Variants in RGS6 observed in about 807,000 individuals in gnomAD.
RGS6 encodes the protein regulator of G protein signaling 6, also known as regulator of G-protein signaling 6.
RGS6 carries 30 observed loss-of-function variants against 78.5 expected under a neutral mutation model. The ratio of observed to expected loss-of-function variants is 0.38; its 90% CI spans 0.29 to 0.52. The LOEUF is 0.52. Ranked by LOEUF, RGS6 falls within the 20% of genes least tolerant of loss-of-function variation. The pLI is 0.85. For missense variants in RGS6, 495 were observed against 609.7 expected, an observed-to-expected ratio of 0.81 and a Z score of 1.98; for synonymous variants, 206 against 206.0, an observed-to-expected ratio of 1.00 and a Z score of 0.00.
chr14:72,272,942 C>A (rs905674044), intron 2 of RGS6, among the ~76,000 whole-genome samples: 2 of 152,100 alleles, frequency 1.3e-5, no homozygotes, highest in East Asian at 3.8e-4. Context: ...TGGCAAAACC[C>A]CATCTCTACT....
intron 2 of RGS6, among the ~76,000 whole-genome samples, chr14:72,237,986 A>G (rs569178878): frequency 2.6e-5 from 4 of 152,234 alleles, no homozygotes; most frequent in Admixed American, 6.5e-5. Flanking sequence ...TCTGGTGTCC[A>G]GGAAGAATCA....
At chr14:72,557,133 C>T (rs2097590008) in intron 17 of RGS6, among the ~76,000 whole-genome samples, 1 of 152,228 alleles carries the variant, frequency 6.6e-6, no homozygotes. Flanking sequence ...GTGGAGGAAC[C>T]ATAACGGGTT....
intron 2 of RGS6, among the ~76,000 whole-genome samples, chr14:72,108,988 C>T (rs967410860): frequency 2.0e-5 from 3 of 152,108 alleles, no homozygotes; most frequent in Admixed American, 6.6e-5. Context: ...ATTTTCCTCA[C>T]GTTTTAGAAA....
chr14:72,608,514 A>T, the RGS6 span, among the ~76,000 whole-genome samples: 2 of 152,152 alleles, frequency 1.3e-5, no homozygotes, highest in Non-Finnish European at 2.9e-5. Context: ...GTCCTGCACC[A>T]GAGGTCTCTC....
intron 2 of RGS6, among the ~76,000 whole-genome samples, chr14:72,065,524 T>C (rs2094101274): frequency 6.6e-6 from 1 of 152,222 alleles, no homozygotes; most frequent in Non-Finnish European, 1.5e-5. Flanking sequence ...AATTTACCCA[T>C]GCTTGACTAC....
At chr14:72,213,532 C>T (rs894397852) in intron 2 of RGS6, among the ~76,000 whole-genome samples, 1 of 152,158 alleles carries the variant, frequency 6.6e-6, no homozygotes, top group African/African-American at 2.4e-5. Flanking sequence ...AGCTTGTCTC[C>T]TCCTCCACAG....
chr14:72,355,281 C>T (rs952894512), intron 3 of RGS6, among the ~76,000 whole-genome samples: 2 of 152,014 alleles, frequency 1.3e-5, no homozygotes, highest in African/African-American at 2.4e-5. Context: ...GAAACCCCCA[C>T]CTCCTGGGTT....
At chr14:72,156,033 G>T (rs1366787782) in intron 2 of RGS6, among the ~76,000 whole-genome samples, 2 of 152,214 alleles carry the variant, frequency 1.3e-5, no homozygotes, top group African/African-American at 4.8e-5. Flanking sequence ...AATTCTAATG[G>T]ATCTGGGGTG....
intron 2 of RGS6, among the ~76,000 whole-genome samples, chr14:71,989,828 A>G (rs1453120041): frequency 6.6e-6 from 1 of 152,094 alleles, no homozygotes; most frequent in Non-Finnish European, 1.5e-5. Flanking sequence ...TTTTGTTGGC[A>G]TTACTTTACA....
At chr14:71,898,554 G>C in the RGS6 span, among the ~76,000 whole-genome samples, 1 of 152,080 alleles carries the variant, frequency 6.6e-6, no homozygotes, top group Non-Finnish European at 1.5e-5. Context: ...GAACGTGCAG[G>C]TTTGTTACAT....
the RGS6 span, among the ~76,000 whole-genome samples, chr14:72,592,660 G>A: frequency 6.6e-6 from 1 of 152,330 alleles, no homozygotes; most frequent in African/African-American, 2.4e-5. Context: ...TTATTGATGT[G>A]CTGTGGGCCT....
intron 2 of RGS6, among the ~76,000 whole-genome samples, chr14:72,266,144 G>A (rs994108284): frequency 1.3e-5 from 2 of 152,176 alleles, no homozygotes; most frequent in Non-Finnish European, 2.9e-5. Flanking sequence ...ATTGAAGGGG[G>A]TCGCTGGATA....
At chr14:72,591,817 T>C in the RGS6 span, among the ~76,000 whole-genome samples, 1 of 152,182 alleles carries the variant, frequency 6.6e-6, no homozygotes, top group East Asian at 1.9e-4. Context: ...TGGATACATC[T>C]AGCCTGAAGG....
At chr14:71,899,793 T>A in the RGS6 span, among the ~76,000 whole-genome samples, 6 of 152,258 alleles carry the variant, frequency 3.9e-5, no homozygotes, top group Non-Finnish European at 7.3e-5. Flanking sequence ...TAACTCTCAT[T>A]GGTCACCTTA....
intron 17 of RGS6, among the ~76,000 whole-genome samples, chr14:72,546,982 C>T (rs2097415714): frequency 6.6e-6 from 1 of 152,206 alleles, no homozygotes; most frequent in South Asian, 2.1e-4. Flanking sequence ...TCTCGGCATG[C>T]TTGTCACTTG....
At chr14:72,550,785 A>G in intron 17 of RGS6, 1 of 658,450 alleles carries the variant, frequency 1.5e-6, no homozygotes, top group South Asian at 3.0e-5. Context: ...ATTCTTGGCT[A>G]ATCTTTAATC....
chr14:71,986,964 G>T (rs955403906), intron 2 of RGS6, among the ~76,000 whole-genome samples: 1 of 152,038 alleles, frequency 6.6e-6, no homozygotes, highest in African/African-American at 2.4e-5. Flanking sequence ...GACCCCCGGT[G>T]ATTACATGGA....
chr14:72,460,711 G>C (rs924670165), intron 6 of RGS6, among the ~76,000 whole-genome samples: 9 of 152,092 alleles, frequency 5.9e-5, no homozygotes, highest in African/African-American at 2.2e-4. Flanking sequence ...CTTGGGACTG[G>C]GACACTCAAT....
chr14:72,586,541 T>G, the RGS6 span, among the ~76,000 whole-genome samples: 2 of 152,206 alleles, frequency 1.3e-5, no homozygotes, highest in African/African-American at 4.8e-5. Flanking sequence ...ATTATCCAGC[T>G]TCAGGGATTT....
Sources: gnomAD v4.1 joint callset for allele counts (sites outside exome capture counted in the v4.1 genomes callset) on GRCh38, gnomAD v4.1.1 for gene constraint, MANE v1.5 for transcripts, NCBI Gene and HGNC (gene_info 2026-07-23, HGNC 2026-07-21) for gene names.